SORCS2: variants seen among roughly 807,000 people sequenced by gnomAD.
SORCS2 encodes sortilin related VPS10 domain containing receptor 2.
A neutral mutation model predicts 141.6 loss-of-function variants in SORCS2; 100 were observed. The ratio of observed to expected loss-of-function variants is 0.71; its 90% CI spans 0.60 to 0.83. SORCS2 has a LOEUF of 0.83. Among genes scored for constraint, SORCS2 ranks in the 40% least tolerant of loss-of-function variants. The pLI is 0.00. For missense variants in SORCS2, 1,646 were observed against 1,560.2 expected, an observed-to-expected ratio of 1.05 and a Z score of -0.93; for synonymous variants, 789 against 676.9, an observed-to-expected ratio of 1.17 and a Z score of -2.57.
intron 3 of SORCS2, among the ~76,000 whole-genome samples, chr4:7,570,630 G>A (rs900577796): frequency 3.3e-5 from 5 of 152,248 alleles, no homozygotes; most frequent in Non-Finnish European, 7.3e-5. Flanking sequence ...CAGGGTTGAA[G>A]TGAGAGTGCC....
chr4:7,466,957 T>TGGGGCTTGTATGTATG (rs2109336447), intron 2 of SORCS2, among the ~76,000 whole-genome samples: 1 of 151,954 alleles, frequency 6.6e-6, no homozygotes, highest in Non-Finnish European at 1.5e-5. Flanking sequence ...TGGAGATGGG[T>TGGGGCTTGTATGTATG]GGGGCTTGTA....
chr4:7,487,429 C>T (rs1164757207), intron 2 of SORCS2, among the ~76,000 whole-genome samples: 1 of 152,204 alleles, frequency 6.6e-6, no homozygotes, highest in Non-Finnish European at 1.5e-5. Flanking sequence ...TCCCCCTCCC[C>T]TTGTCTGGGC....
chr4:7,715,445 T>C, intron 17 of SORCS2, 134 bp downstream of exon 17: 1 of 1,330,232 alleles, frequency 7.5e-7, no homozygotes, highest in Non-Finnish European at 1.0e-6. Flanking sequence ...GAGGTCAAAG[T>C]TGAGGATGCC....
chr4:7,682,768 T>A lies in SORCS2; in HGVS notation c.1367T>A (p.Leu456Gln). 1 of 1,611,838 alleles carries A rather than the reference T, an allele frequency of 6.2e-7. No individual in the cohort carries two copies. Among genetic ancestry groups the A allele is most frequent in the Non-Finnish European group, 8.5e-7 (1 of 1,178,914 alleles). Reference protein sequence around the residue: ...LEVRGVKGVFLANQKIDGKVM... With the variant: ...LEVRGVKGVFQANQKIDGKVM... ...GTCAGAGGGGTGAAAGGAGTCTTCC[T>A]GGCAAACCAAAAAATTGATGGGAAA... Residue 456 changes from leucine (L) to glutamine (Q), a missense_variant, in exon 10 of 27, where the codon CTG becomes CAG. Coordinates refer to ENST00000507866, the MANE Select transcript of SORCS2 (RefSeq NM_020777.3).
At chr4:7,263,479 T>C (rs1272561547) in intron 1 of SORCS2, among the ~76,000 whole-genome samples, 2 of 152,220 alleles carry the variant, frequency 1.3e-5, no homozygotes, top group Non-Finnish European at 2.9e-5. Context: ...TCTGCCTCAT[T>C]GTCCTGGGAA....
intron 1 of SORCS2, among the ~76,000 whole-genome samples, chr4:7,389,414 C>T (rs1297249439): frequency 6.6e-6 from 1 of 152,186 alleles, no homozygotes; most frequent in Non-Finnish European, 1.5e-5. Flanking sequence ...CCCGTGGGCC[C>T]CACTGATGGG....
At chr4:7,329,773 G>A (rs1315074706) in intron 1 of SORCS2, among the ~76,000 whole-genome samples, 3 of 152,182 alleles carry the variant, frequency 2.0e-5, no homozygotes, top group Non-Finnish European at 4.4e-5. Flanking sequence ...CATCCATCCT[G>A]CAGAAACTGT....
chr4:7,617,741 C>T (rs1213466672), intron 3 of SORCS2, among the ~76,000 whole-genome samples: 3 of 152,182 alleles, frequency 2.0e-5, no homozygotes, highest in Non-Finnish European at 4.4e-5. Context: ...AATCCTGAAG[C>T]TCAGAATCTG....
At chr4:7,620,571 A>G (rs1334687091) in intron 3 of SORCS2, among the ~76,000 whole-genome samples, 1 of 152,236 alleles carries the variant, frequency 6.6e-6, no homozygotes, top group Non-Finnish European at 1.5e-5. Flanking sequence ...TGGGCAACCA[A>G]CAAAAACAGT....
chr4:7,455,448 A>T (rs561183679), intron 2 of SORCS2, among the ~76,000 whole-genome samples: 78 of 64,226 alleles, frequency 1.2e-3, no homozygotes, highest in African/African-American at 2.4e-3. Flanking sequence ...TGGGGTCAGG[A>T]GCTGTGTGTT....
intron 1 of SORCS2, among the ~76,000 whole-genome samples, chr4:7,355,636 AG>A (rs1464820438): frequency 6.6e-6 from 1 of 152,104 alleles, no homozygotes; most frequent in Non-Finnish European, 1.5e-5. Context: ...GTTTGCAACA[AG>A]GAAGTGAAAG....
chr4:7,727,073 G>A (rs568023984), intron 21 of SORCS2, among the ~76,000 whole-genome samples, 170 bp downstream of exon 21: 3 of 152,270 alleles, frequency 2.0e-5, no homozygotes, highest in African/African-American at 7.2e-5. Flanking sequence ...GTGTGGCCTG[G>A]GCAAAGTCTC....
intron 17 of SORCS2, among the ~76,000 whole-genome samples, chr4:7,717,180 G>A (rs1309611059): frequency 1.3e-5 from 2 of 152,132 alleles, no homozygotes; most frequent in Non-Finnish European, 2.9e-5. Context: ...TGCCACACCC[G>A]CTCCTCCTCC....
intron 2 of SORCS2, among the ~76,000 whole-genome samples, chr4:7,412,629 C>A (rs932962410): frequency 1.3e-5 from 2 of 152,058 alleles, no homozygotes; most frequent in Non-Finnish European, 2.9e-5. Context: ...CAGGGTTGGT[C>A]CTCCCAGCTC....
intron 18 of SORCS2, 145 bp from the exon 19 acceptor site, chr4:7,723,552 C>T (rs531929040): frequency 1.1e-6 from 1 of 890,446 alleles, no homozygotes; most frequent in East Asian, 2.5e-5. Context: ...GGCCCGGTCT[C>T]CTGTGGGTCC....
chr4:7,210,510 G>A (rs1728000930), intron 1 of SORCS2, among the ~76,000 whole-genome samples: 1 of 152,118 alleles, frequency 6.6e-6, no homozygotes, highest in Admixed American at 6.5e-5. Flanking sequence ...TGAACTCCTG[G>A]GCTCGAGGGA....
chr4:7,420,496 G>C (rs1037655161), intron 2 of SORCS2, among the ~76,000 whole-genome samples: 2 of 152,172 alleles, frequency 1.3e-5, no homozygotes, highest in African/African-American at 4.8e-5. Context: ...GTGGACATGT[G>C]GGGGCACTGG....
intron 2 of SORCS2, among the ~76,000 whole-genome samples, chr4:7,459,356 G>A (rs955733432): frequency 1.3e-5 from 2 of 152,154 alleles, no homozygotes; most frequent in Non-Finnish European, 1.5e-5. Context: ...ACATGAGGTG[G>A]GGGTCAGGCA....
intron 1 of SORCS2, among the ~76,000 whole-genome samples, chr4:7,332,147 G>A (rs553536451): frequency 7.1e-4 from 108 of 152,212 alleles, no homozygotes; most frequent in Non-Finnish European, 1.2e-3. Flanking sequence ...CTACAGGAGA[G>A]CATCCTTATC....
Sources: allele counts gnomAD v4.1 joint callset (sites outside exome capture counted in the v4.1 genomes callset), GRCh38; gene constraint gnomAD v4.1.1; transcripts MANE v1.5; gene names NCBI Gene and HGNC (gene_info 2026-07-23, HGNC 2026-07-21).